MAGI2: variants seen among roughly 807,000 people sequenced by gnomAD.
MAGI2 encodes membrane associated guanylate kinase, WW and PDZ domain containing 2.
MAGI2 carries 35 observed loss-of-function variants against 133.3 expected under a neutral mutation model. The ratio of observed to expected loss-of-function variants is 0.26; its 90% CI spans 0.20 to 0.35. The LOEUF is 0.35. Among genes scored for constraint, MAGI2 ranks in the 10% least tolerant of loss-of-function variants. The pLI is 1.00. For missense variants in MAGI2, 1,636 were observed against 1,863.4 expected, an observed-to-expected ratio of 0.88 and a Z score of 2.25; for synonymous variants, 729 against 710.6, an observed-to-expected ratio of 1.03 and a Z score of -0.41.
chr7:79,038,144 G>A (rs1811291156), intron 1 of MAGI2, among the ~76,000 whole-genome samples: 1 of 152,126 alleles, frequency 6.6e-6, no homozygotes, highest in Non-Finnish European at 1.5e-5. Flanking sequence ...TATTCTAACT[G>A]TATTATTTCA....
intron 2 of MAGI2, among the ~76,000 whole-genome samples, chr7:78,924,651 ACT>A (rs1263590544): frequency 6.7e-6 from 1 of 149,528 alleles, no homozygotes; most frequent in East Asian, 2.0e-4. Context: ...TTGGTCTAAA[ACT>A]CTCTTTTTTG....
In MAGI2 at chr7:78,144,823, C is replaced by T. The variant is rs60214867; in HGVS notation, c.2846-9617G>A. Among the ~76,000 whole-genome samples, 979 of 152,192 alleles carry T rather than the reference C, an allele frequency of 6.4e-3. 8 individuals carry two copies. Among genetic ancestry groups the T allele is most frequent in the African/African-American group, 0.022 (906 of 41,544 alleles). ...CGTGCAGGTTTGTTACATAGGTATG[C>T]GTGTGTGCCATGGTGGTTTGCTGCA... On this transcript the variant is annotated intron_variant, in intron 16 of 21. Coordinates refer to ENST00000354212, the MANE Select transcript of MAGI2 (RefSeq NM_012301.4).
At chr7:79,166,102 G>A (rs1365925674) in intron 1 of MAGI2, among the ~76,000 whole-genome samples, 1 of 152,026 alleles carries the variant, frequency 6.6e-6, no homozygotes, top group Non-Finnish European at 1.5e-5. Context: ...TAACCTAGAG[G>A]TAACTTTTCA....
intron 20 of MAGI2, among the ~76,000 whole-genome samples, chr7:78,117,306 A>G (rs1410377152): frequency 6.6e-6 from 1 of 152,120 alleles, no homozygotes; most frequent in African/African-American, 2.4e-5. Flanking sequence ...AATTGAATTG[A>G]TCAATGCATA....
intron 2 of MAGI2, among the ~76,000 whole-genome samples, chr7:78,759,282 TAA>T (rs1824257658): frequency 6.6e-6 from 1 of 152,176 alleles, no homozygotes; most frequent in African/African-American, 2.4e-5. Flanking sequence ...CTGGCCTACC[TAA>T]AATTATTTGT....
chr7:78,675,248 CTGTTGTTGT>C (rs57947329), intron 2 of MAGI2, among the ~76,000 whole-genome samples: 7 of 150,514 alleles, frequency 4.7e-5, no homozygotes, highest in African/African-American at 1.5e-4. Flanking sequence ...TTATGGGTTG[CTGTTGTTGT>C]TGTTGTTGTT....
At chr7:78,095,486 T>C (rs1227848969) in intron 20 of MAGI2, among the ~76,000 whole-genome samples, 1 of 152,180 alleles carries the variant, frequency 6.6e-6, no homozygotes, top group Non-Finnish European at 1.5e-5. Context: ...ACCTCTCTTT[T>C]CTATCTTTTC....
intron 2 of MAGI2, among the ~76,000 whole-genome samples, chr7:78,790,940 CT>C (rs1827195380): frequency 1.3e-5 from 2 of 152,120 alleles, no homozygotes; most frequent in South Asian, 4.1e-4. Flanking sequence ...AGTATCTGAG[CT>C]TGGATTTAAT....
chr7:78,201,245 T>C, intron 10 of MAGI2, 52 bp from the exon 11 acceptor site: 25 of 854,596 alleles, frequency 2.9e-5, no homozygotes, highest in Non-Finnish European at 4.3e-5. Context: ...CGACTGCCAC[T>C]TATGGGTGGC....
At chr7:79,403,286 T>C (rs539439503) in intron 1 of MAGI2, among the ~76,000 whole-genome samples, 4 of 152,250 alleles carry the variant, frequency 2.6e-5, no homozygotes, top group South Asian at 2.1e-4. Flanking sequence ...AGTTTATTAG[T>C]AGTATGTAAA....
intron 2 of MAGI2, among the ~76,000 whole-genome samples, chr7:78,722,169 C>T (rs1820333318): frequency 1.3e-5 from 2 of 151,480 alleles, no homozygotes; most frequent in Non-Finnish European, 3.0e-5. Flanking sequence ...TTCATTACCT[C>T]ATTTGAATGT....
chr7:78,279,944 C>G (rs1415310284), intron 9 of MAGI2, among the ~76,000 whole-genome samples: 2 of 152,118 alleles, frequency 1.3e-5, no homozygotes, highest in Non-Finnish European at 2.9e-5. Flanking sequence ...TCCTCAAACC[C>G]AGCAGCAATC....
At chr7:78,059,760 CAT>C (rs756668407) in intron 21 of MAGI2, among the ~76,000 whole-genome samples, 2 of 114,304 alleles carry the variant, frequency 1.7e-5, no homozygotes, top group Middle Eastern at 4.5e-3. Context: ...GGAACAATGC[CAT>C]ATATATATAT....
intron 1 of MAGI2, chr7:79,125,516 G>T: frequency 3.9e-6 from 2 of 513,892 alleles, no homozygotes; most frequent in Admixed American, 2.3e-5. Flanking sequence ...GGTGGACAGG[G>T]TTATAGAAAC....
chr7:78,981,351 G>A (rs911625988), intron 2 of MAGI2, among the ~76,000 whole-genome samples: 19 of 151,390 alleles, frequency 1.3e-4, no homozygotes, highest in Admixed American at 1.3e-4. Context: ...GCCACATTCT[G>A]AATGATTTCA....
intron 2 of MAGI2, among the ~76,000 whole-genome samples, chr7:78,690,067 CA>C (rs1448122290): frequency 2.6e-5 from 4 of 152,132 alleles, no homozygotes; most frequent in African/African-American, 9.6e-5. Flanking sequence ...TTTCCTCTAT[CA>C]AAACTTTCAT....
chr7:78,967,206 TG>T (rs1438917604), intron 2 of MAGI2, among the ~76,000 whole-genome samples: 2 of 152,098 alleles, frequency 1.3e-5, no homozygotes, highest in Non-Finnish European at 2.9e-5. Flanking sequence ...CCTCTCAAAG[TG>T]CTAGAATTAC....
At chr7:78,829,851 A>G (rs1790989342) in intron 2 of MAGI2, among the ~76,000 whole-genome samples, 1 of 152,118 alleles carries the variant, frequency 6.6e-6, no homozygotes, top group Admixed American at 6.5e-5. Flanking sequence ...GAATGTATCC[A>G]AAGTGTTAAC....
rs200904568 is a variant in MAGI2 at position 78,770,791 on chromosome 7, C to T, written c.419-143552G>A. On this transcript the variant is annotated intron_variant, in intron 2 of 21. Transcript: ENST00000354212. Reference sequence around the variant, plus strand: ...GGGTTTGGAGGCTATAAATAGAACACACACACATATGCACATACAGATATT... The same window carrying T: ...GGGTTTGGAGGCTATAAATAGAACATACACACATATGCACATACAGATATT... The T allele has an allele frequency of 5.3e-5, 8 of 152,298 alleles. No homozygotes were observed. In the East Asian group the frequency reaches 1.5e-3, roughly 29 times the overall value. 9.4% of individuals were successfully genotyped at this position (152,298 alleles called of 1,614,324 possible).
Sources: gnomAD v4.1 joint callset for allele counts (sites outside exome capture counted in the v4.1 genomes callset) on GRCh38, gnomAD v4.1.1 for gene constraint, MANE v1.5 for transcripts, NCBI Gene and HGNC (gene_info 2026-07-23, HGNC 2026-07-21) for gene names.